The following ANKRD46 variants were observed in gnomAD, a reference collection of about 807,000 sequenced individuals.
ANKRD46 encodes ankyrin repeat domain 46.
In ANKRD46, 13 loss-of-function variants were observed where a neutral mutation model predicts 19.8. The ratio of observed to expected loss-of-function variants is 0.66; its 90% CI spans 0.43 to 1.04. The LOEUF (loss-of-function observed/expected upper bound fraction) is 1.04, where lower values mean the gene tolerates loss of function less well. Ranked by LOEUF, ANKRD46 falls within the 50% of genes least tolerant of loss-of-function variation. ANKRD46 has a pLI of 0.00. For missense variants in ANKRD46, 185 were observed against 274.8 expected, an observed-to-expected ratio of 0.67 and a Z score of 2.31; for synonymous variants, 91 against 106.9, an observed-to-expected ratio of 0.85 and a Z score of 0.92.
intron 1 of ANKRD46, among the ~76,000 whole-genome samples, chr8:100,558,703 CAG>C (rs1271864786): frequency 6.6e-6 from 1 of 152,112 alleles, no homozygotes; most frequent in Non-Finnish European, 1.5e-5. Flanking sequence ...GGCTAGATAA[CAG>C]ACGCAGGGAT....
In ANKRD46 at chr8:100,521,121, A is replaced by C. The variant is rs1419405609; in HGVS notation, c.*1434T>G. The C allele has an allele frequency of 1.0e-5, 10 of 985,170 alleles. No homozygotes were observed. In the East Asian group the frequency reaches 6.8e-4, roughly 67 times the overall value. The allele number at this position is 985,170 out of a possible 1,614,324, so 61.0% of individuals were successfully genotyped here. Reference sequence around the variant, plus strand: ...GCCAGTTACTCAGGAATTTTACAACAGCTATTAAAGAGAGGATAAAGCCAC... The same window carrying C: ...GCCAGTTACTCAGGAATTTTACAACCGCTATTAAAGAGAGGATAAAGCCAC... On this transcript the variant is annotated 3_prime_UTR_variant, in exon 5 of 5. Transcript: ENST00000335659.
intron 5 of ANKRD46, among the ~76,000 whole-genome samples, chr8:100,512,615 C>A (rs1385025102): frequency 6.6e-6 from 1 of 152,136 alleles, no homozygotes; most frequent in Non-Finnish European, 1.5e-5. Flanking sequence ...AAAATCATGA[C>A]AGAACCGTTT....
Position 100,529,648 on chromosome 8 carries a change from C to G in ANKRD46, c.186G>C (p.Gln62His). The change falls in exon 3 of 5, where the codon CAG becomes CAC. Residue 62 changes from glutamine to histidine, a missense_variant. Gln to His is a conservative substitution (Grantham distance 24, BLOSUM62 0). Coordinates refer to ENST00000335659, the MANE Select transcript of ANKRD46 (RefSeq NM_001270377.2). The surrounding 1 kb of genome is among the most constrained non-coding windows in gnomAD (Gnocchi z 5.8). Reference sequence around the variant, plus strand: ...GATCGGCACCGAATTTATGCAGTAACTGGCAGATGTCTACATTCCCTCGAG... The same window carrying G: ...GATCGGCACCGAATTTATGCAGTAAGTGGCAGATGTCTACATTCCCTCGAG... ...AAARGNVDIC[Q>H]LLHKFGADLL... is the part of the protein sequence containing the mutation. The G allele has an allele frequency of 6.2e-7, 1 of 1,614,258 alleles. No individual in the cohort carries two copies. The highest frequency in any genetic ancestry group is 8.5e-7 in the Non-Finnish European group (1 of 1,180,048).
chr8:100,537,370 A>G lies in ANKRD46; in HGVS notation c.-130-4059T>C, dbSNP rs929250481. Among the ~76,000 whole-genome samples, 18 of 152,218 alleles carry G rather than the reference A, an allele frequency of 1.2e-4. No homozygotes were observed. Among genetic ancestry groups the G allele is most frequent in the African/African-American group, 4.1e-4 (17 of 41,458 alleles). On this transcript the variant is annotated intron_variant, in intron 1 of 4. Transcript: ENST00000335659. The surrounding 1 kb of genome is among the most constrained non-coding windows in gnomAD (Gnocchi z 4.2). ...AGCACCAGACATTTCAACAAAATGC[A>G]AGGAAAAAACGACATAGCTGGAAAG...
chr8:100,521,887 C>T lies in ANKRD46; in HGVS notation c.*668G>A, dbSNP rs756683553. Reference sequence around the variant, plus strand: ...CTCATTTATTTTTCACAGATATTAACAAGCAAAGCAGTTTACAAAAAGATC... The same window carrying T: ...CTCATTTATTTTTCACAGATATTAATAAGCAAAGCAGTTTACAAAAAGATC... On this transcript the variant is annotated 3_prime_UTR_variant, in exon 5 of 5. Coordinates refer to ENST00000335659, the MANE Select transcript of ANKRD46 (RefSeq NM_001270377.2). The T allele has an allele frequency of 1.2e-5, 12 of 984,636 alleles. No homozygotes were observed. The highest frequency in any genetic ancestry group is 1.4e-5 in the Non-Finnish European group (12 of 829,394). 61.0% of individuals were successfully genotyped at this position (984,636 alleles called of 1,614,324 possible). A position where few individuals can be genotyped will look rare whatever the true frequency, so the allele number is the denominator to read the frequency against.
chr8:100,542,768 T>G (rs1812199772), intron 1 of ANKRD46, among the ~76,000 whole-genome samples: 1 of 152,096 alleles, frequency 6.6e-6, no homozygotes, highest in Non-Finnish European at 1.5e-5. Context: ...AAGTTGTAAC[T>G]TTTGGCTAGT....
rs150485642 is a variant in ANKRD46 at position 100,541,509 on chromosome 8, C to A, written c.-130-8198G>T. On this transcript the variant is annotated intron_variant, in intron 1 of 4. Coordinates refer to ENST00000335659, the MANE Select transcript of ANKRD46 (RefSeq NM_001270377.2). ...CTGTTATGTGAACAACACAGAGTGT[C>A]CTCAGGTGCCTACACAAGCCTAGAG... is the stretch of plus-strand genomic sequence containing the variant. 7.0e-3 allele frequency among the ~76,000 whole-genome samples: 1,068 copies of A among 152,262 alleles called. 16 individuals are homozygous for A. Among genetic ancestry groups the A allele is most frequent in the African/African-American group, 0.024 (1,013 of 41,558 alleles).
chr8:100,519,595 C>T (rs1023030638), downstream of ANKRD46, among the ~76,000 whole-genome samples: 3 of 152,200 alleles, frequency 2.0e-5, no homozygotes, highest in Non-Finnish European at 4.4e-5. Flanking sequence ...CATGCATAAA[C>T]AATTTCACAA....
At chr8:100,539,378 G>A (rs1209511077) in intron 1 of ANKRD46, among the ~76,000 whole-genome samples, 1 of 152,168 alleles carries the variant, frequency 6.6e-6, no homozygotes, top group Non-Finnish European at 1.5e-5. Context: ...AATAAAAGGA[G>A]GAACTAAGAA....
intron 1 of ANKRD46, among the ~76,000 whole-genome samples, chr8:100,555,153 T>C (rs1812467750): frequency 6.6e-6 from 1 of 151,430 alleles, no homozygotes; most frequent in African/African-American, 2.4e-5. Flanking sequence ...CAAAACCCAG[T>C]TCTCTAATTA....
intron 2 of ANKRD46, among the ~76,000 whole-genome samples, chr8:100,531,444 C>T (rs1430896483): frequency 6.6e-6 from 1 of 152,104 alleles, no homozygotes. Flanking sequence ...AGCCATTGTC[C>T]CAAAATCTGG....
Position 100,527,828 on chromosome 8 carries a change from A to C in ANKRD46, c.470+17T>G, listed in dbSNP as rs778961163. 2 of 1,606,190 alleles carry C rather than the reference A, an allele frequency of 1.2e-6. No homozygotes were observed. The highest frequency in any genetic ancestry group is 1.7e-6 in the Non-Finnish European group (2 of 1,177,274). ...ATGAGTAATACAGTGAGAAAAAAAA[A>C]GTTGTATCTCCAGTACCTTTCACTC... On this transcript the variant is annotated intron_variant, in intron 4 of 4. Transcript: ENST00000335659. The surrounding 1 kb of genome is among the most constrained non-coding windows in gnomAD (Gnocchi z 4.0).
chr8:100,523,069 T>C (rs1417116511), intron 4 of ANKRD46, among the ~76,000 whole-genome samples: 3 of 152,102 alleles, frequency 2.0e-5, no homozygotes, highest in Admixed American at 2.0e-4. Context: ...AGCTCATGCC[T>C]GTAATCCCGA....
intron 4 of ANKRD46, 129 bp from the exon 5 acceptor site, chr8:100,522,900 CACACATATATAT>C (rs1324912346): frequency 9.9e-5 from 54 of 547,230 alleles, no homozygotes; most frequent in Non-Finnish European, 1.1e-4. Context: ...CACACACACA[CACACATATATAT>C]ATATACACAC....
At position 100,521,062 on chromosome 8, in the gene ANKRD46, TAAAA is replaced by T. The variant is rs199508792; in HGVS notation, c.*1489_*1492del. On this transcript the variant is annotated 3_prime_UTR_variant, in exon 5 of 5. Coordinates refer to ENST00000335659, the MANE Select transcript of ANKRD46 (RefSeq NM_001270377.2). Reference sequence around the variant, plus strand: ...TGATTTACTTTGTTTGTATCTAACCTAAAAGCAAGACTCTGCAAGCTGATCCTGA... The same window carrying T: ...TGATTTACTTTGTTTGTATCTAACCTGCAAGACTCTGCAAGCTGATCCTGA... The T allele has an allele frequency of 1.7e-3, 1,627 of 985,214 alleles. 20 individuals are homozygous for T. In the African/African-American group the frequency reaches 0.026, roughly 16 times the overall value. 61.0% of individuals were successfully genotyped at this position (985,214 alleles called of 1,614,324 possible). A position where few individuals can be genotyped will look rare whatever the true frequency, so the allele number is the denominator to read the frequency against.
Position 100,525,897 on chromosome 8 carries a change from C to T in ANKRD46, c.470+1948G>A, listed in dbSNP as rs955305119. ...CAATTTCTCCACATCCTCCAGAGCA[C>T]TTGTTATTATCTATCTTTTTAATTG... On this transcript the variant is annotated intron_variant, in intron 4 of 4. Transcript: ENST00000335659. The surrounding 1 kb of genome is among the most constrained non-coding windows in gnomAD (Gnocchi z 4.4). Among the ~76,000 whole-genome samples, 2 of 152,170 alleles carry T rather than the reference C, an allele frequency of 1.3e-5. No homozygotes were observed. Among genetic ancestry groups the T allele is most frequent in the African/African-American group, 4.8e-5 (2 of 41,428 alleles).
chr8:100,530,450 C>T (rs1811936612), intron 2 of ANKRD46, among the ~76,000 whole-genome samples: 1 of 151,436 alleles, frequency 6.6e-6, no homozygotes, highest in Non-Finnish European at 1.5e-5. Flanking sequence ...GTGGCGCGGT[C>T]TTGGCTCACT....
At chr8:100,554,651 G>C (rs1342692358) in intron 1 of ANKRD46, 1 of 152,028 alleles carries the variant, frequency 6.6e-6, no homozygotes, top group Non-Finnish European at 1.5e-5. Flanking sequence ...CTCGAGCCTG[G>C]GAGGTGGAGG....
rs1448031058 is a variant in ANKRD46 at position 100,529,425 on chromosome 8, T to A, written c.311+98A>T. 4 of 1,257,850 alleles carry A rather than the reference T, an allele frequency of 3.2e-6. No homozygotes were observed. Among genetic ancestry groups the A allele is most frequent in the Non-Finnish European group, 4.4e-6 (4 of 914,130 alleles). 77.9% of individuals were successfully genotyped at this position (1,257,850 alleles called of 1,614,324 possible). On this transcript the variant is annotated intron_variant, in intron 3 of 4. Coordinates refer to ENST00000335659, the MANE Select transcript of ANKRD46 (RefSeq NM_001270377.2). The surrounding 1 kb of genome is among the most constrained non-coding windows in gnomAD (Gnocchi z 5.8). ...TGCTTTCTGAACTTATTTCAACTGA[T>A]TAATGAGGAAACAAAACCAACAGAC... is the stretch of plus-strand genomic sequence containing the variant.
Sources: allele counts gnomAD v4.1 joint callset (sites outside exome capture counted in the v4.1 genomes callset), GRCh38; gene constraint gnomAD v4.1.1; non-coding constraint Gnocchi (gnomAD v3.1); transcripts MANE v1.5; gene names NCBI Gene and HGNC (gene_info 2026-07-23, HGNC 2026-07-21).